The following TEX11 variants were observed in gnomAD, a reference collection of about 807,000 sequenced individuals.
The protein encoded by TEX11 is testis expressed 11, also known as testis-expressed protein 11.
Under a neutral mutation model 84.4 loss-of-function variants are expected in TEX11, and 7 were observed. The observed-to-expected ratio is 0.08, with a 90% CI of 0.05 to 0.16. TEX11 has a LOEUF of 0.16. TEX11 is among the 10% of genes least tolerant of loss of function. The probability of loss-of-function intolerance (pLI) is 1.00; values close to 1 mark genes in which losing one functional copy is unlikely to be tolerated. For synonymous variants in TEX11, 264 were observed against 222.8 expected (o/e 1.18, Z -1.64); for missense variants, 551 against 660.5 (o/e 0.83, Z 1.82).
intron 4 of TEX11, among the ~76,000 whole-genome samples, chrX:70,871,265 C>A (rs766124984): frequency 8.9e-6 from 1 of 111,765 alleles, no homozygotes; most frequent in Non-Finnish European, 1.9e-5. Context: ...TTTTTTTCCT[C>A]AAAGAACTCA....
At chrX:70,719,017 G>T (rs1208621988) in intron 13 of TEX11, among the ~76,000 whole-genome samples, 2 of 111,149 alleles carry the variant, frequency 1.8e-5, no homozygotes, top group African/African-American at 6.6e-5. Context: ...CTCAAAATTT[G>T]CTTCCAGGGC....
At chrX:70,766,826 C>T (rs1473509812) in intron 9 of TEX11, among the ~76,000 whole-genome samples, 4 of 111,682 alleles carry the variant, frequency 3.6e-5, no homozygotes, top group Non-Finnish European at 1.9e-5. Context: ...CAAATCCACA[C>T]ACCTAACAGT....
intron 28 of TEX11, among the ~76,000 whole-genome samples, chrX:70,547,027 C>CAA (rs58220663): frequency 0.013 from 453 of 33,643 alleles, 1 homozygote; most frequent in Non-Finnish European, 0.017. Flanking sequence ...TATTATTCAG[C>CAA]AAAAAAAAAA....
intron 17 of TEX11, among the ~76,000 whole-genome samples, chrX:70,632,806 T>C (rs762547050): frequency 2.7e-5 from 3 of 111,486 alleles, no homozygotes; most frequent in African/African-American, 9.8e-5. Flanking sequence ...TTTAGGCCCA[T>C]AATTTCAACA....
chrX:70,781,373 A>G (rs1281013633), intron 9 of TEX11, among the ~76,000 whole-genome samples: 1 of 112,298 alleles, frequency 8.9e-6, no homozygotes, highest in Non-Finnish European at 1.9e-5. Context: ...CCAGAGCAGA[A>G]AAACTGAAAA....
chrX:70,535,858 C>A (rs748218128), intron 28 of TEX11, among the ~76,000 whole-genome samples: 2 of 109,524 alleles, frequency 1.8e-5, no homozygotes, highest in South Asian at 8.1e-4. Context: ...CCTCCCACCT[C>A]GGCCTCCCAA....
At chrX:70,776,359 C>A (rs1004804266) in intron 9 of TEX11, among the ~76,000 whole-genome samples, 1 of 109,844 alleles carries the variant, frequency 9.1e-6, no homozygotes, top group Non-Finnish European at 1.9e-5. Flanking sequence ...TCCAGGAGTT[C>A]GAGACCAACC....
At chrX:70,563,534 G>C (rs1407776963) in intron 25 of TEX11, among the ~76,000 whole-genome samples, 3 of 111,862 alleles carry the variant, frequency 2.7e-5, no homozygotes, top group Non-Finnish European at 3.8e-5. Flanking sequence ...GTTACTAGGA[G>C]GCCTGGAATT....
intron 28 of TEX11, among the ~76,000 whole-genome samples, chrX:70,547,882 C>A (rs1228370565): frequency 5.4e-5 from 6 of 111,797 alleles, no homozygotes; most frequent in Non-Finnish European, 1.1e-4. Context: ...GGATCTGGAA[C>A]TAGAAATACC....
chrX:70,776,263 C>A (rs1228328742), intron 9 of TEX11, among the ~76,000 whole-genome samples: 1 of 110,772 alleles, frequency 9.0e-6, no homozygotes, highest in Non-Finnish European at 1.9e-5. Context: ...ATATACACAA[C>A]AGAGTACTAT....
At chrX:70,672,180 C>T (rs1004650314) in intron 15 of TEX11, among the ~76,000 whole-genome samples, 3 of 110,681 alleles carry the variant, frequency 2.7e-5, no homozygotes, top group African/African-American at 9.8e-5. Context: ...ATTATTGCAT[C>T]TATCAATAGT....
At chrX:70,629,514 A>G in intron 18 of TEX11, 97 bp downstream of exon 18, 1 of 1,006,591 alleles carries the variant, frequency 9.9e-7, no homozygotes, top group Non-Finnish European at 1.4e-6. Context: ...AACAAACAGT[A>G]AAGGTCTCTT....
At chrX:70,897,672 AG>A (rs2091778551) in intron 2 of TEX11, 1 of 65,737 alleles carries the variant, frequency 1.5e-5, no homozygotes, top group African/African-American at 5.7e-5. Flanking sequence ...AGGAAAACAA[AG>A]AAAGAAAAAG....
At chrX:70,855,659 T>C (rs2091532328) in intron 5 of TEX11, among the ~76,000 whole-genome samples, 1 of 111,203 alleles carries the variant, frequency 9.0e-6, no homozygotes, top group South Asian at 3.8e-4. Flanking sequence ...CCTCAGAATG[T>C]AACTGTATTT....
chrX:70,750,163 C>T (rs1324901947), intron 9 of TEX11, among the ~76,000 whole-genome samples: 1 of 111,691 alleles, frequency 9.0e-6, no homozygotes, highest in East Asian at 2.8e-4. Flanking sequence ...CCAAAAGATA[C>T]GTGAAAAAAT....
intron 20 of TEX11, among the ~76,000 whole-genome samples, chrX:70,617,939 C>CTA (rs2089338000): frequency 8.9e-6 from 1 of 112,058 alleles, no homozygotes; most frequent in African/African-American, 3.2e-5. Flanking sequence ...GGACAGTGCC[C>CTA]TATAAACAGT....
intron 28 of TEX11, among the ~76,000 whole-genome samples, chrX:70,539,062 T>A (rs1230186068): frequency 1.2e-5 from 1 of 80,059 alleles, no homozygotes; most frequent in African/African-American, 4.8e-5. Context: ...TAAGATGGAG[T>A]CTCACTCTGT....
At chrX:70,519,477 G>C in the TEX11 span, among the ~76,000 whole-genome samples, 2 of 112,303 alleles carry the variant, frequency 1.8e-5, no homozygotes, top group East Asian at 5.6e-4. Flanking sequence ...TCTGCTGAGA[G>C]ATCAGCTGTT....
intron 11 of TEX11, among the ~76,000 whole-genome samples, chrX:70,734,875 A>T (rs1416616827): frequency 8.9e-6 from 1 of 111,833 alleles, no homozygotes; most frequent in Non-Finnish European, 1.9e-5. Context: ...CCCACAGCTA[A>T]CACCATACTT....
Sources: gnomAD v4.1 joint callset for allele counts (sites outside exome capture counted in the v4.1 genomes callset) on GRCh38, gnomAD v4.1.1 for gene constraint, MANE v1.5 for transcripts, NCBI Gene and HGNC (gene_info 2026-07-23, HGNC 2026-07-21) for gene names.